Variants in LYPLAL1 observed in about 807,000 individuals in gnomAD.
LYPLAL1 encodes lysophospholipase like 1, also known as lysophospholipase-like protein 1.
Under a neutral mutation model 19.7 loss-of-function variants are expected in LYPLAL1, and 23 were observed. The observed-to-expected ratio is 1.17, with a 90% confidence interval of 0.84 to 1.65. The LOEUF (loss-of-function observed/expected upper bound fraction) is 1.65. Ranked by LOEUF, LYPLAL1 falls within the 40% of genes most tolerant of loss-of-function variation. The pLI is 0.00. For synonymous variants in LYPLAL1, 119 were observed against 96.3 expected (o/e 1.24, Z -1.38); for missense variants, 355 against 279.4 (o/e 1.27, Z -1.93).
chr1:219,240,736 A>G, the LYPLAL1 span, among the ~76,000 whole-genome samples: 1 of 152,306 alleles, frequency 6.6e-6, no homozygotes, highest in Middle Eastern at 3.4e-3. Flanking sequence ...CGGACAGTAC[A>G]CTATAGTTGA....
At chr1:219,271,562 A>T in the LYPLAL1 span, 1 of 152,218 alleles carries the variant, frequency 6.6e-6, no homozygotes, top group African/African-American at 2.4e-5. Context: ...AGAAATATGA[A>T]TTTGATTAGC....
chr1:219,411,396 T>C, the LYPLAL1 span, among the ~76,000 whole-genome samples: 2 of 152,144 alleles, frequency 1.3e-5, no homozygotes, highest in Non-Finnish European at 2.9e-5. Flanking sequence ...ATCTAGCTGC[T>C]CTGGTGGGGC....
chr1:219,293,239 T>G, the LYPLAL1 span, among the ~76,000 whole-genome samples: 2 of 151,962 alleles, frequency 1.3e-5, no homozygotes, highest in African/African-American at 2.4e-5. Flanking sequence ...ATTTCTGGTC[T>G]CCGCAAACCA....
At chr1:219,174,253 C>G (rs144338941) in intron 1 of LYPLAL1, 11 of 1,362,024 alleles carry the variant, frequency 8.1e-6, no homozygotes, top group Middle Eastern at 2.8e-4. Flanking sequence ...TCCATCCCCA[C>G]AACACACCTC....
chr1:219,268,109 A>G, the LYPLAL1 span, among the ~76,000 whole-genome samples: 1 of 152,232 alleles, frequency 6.6e-6, no homozygotes, highest in Non-Finnish European at 1.5e-5. Context: ...CAAAACACAA[A>G]AATTCCTGCC....
the LYPLAL1 span, among the ~76,000 whole-genome samples, chr1:219,357,279 G>A: frequency 1.3e-5 from 2 of 152,100 alleles, no homozygotes; most frequent in East Asian, 3.9e-4. Flanking sequence ...AAGTTCTTTG[G>A]CTTAAGACAA....
the LYPLAL1 span, among the ~76,000 whole-genome samples, chr1:219,425,309 C>T: frequency 1.3e-5 from 2 of 152,116 alleles, no homozygotes; most frequent in African/African-American, 4.8e-5. Flanking sequence ...CATAAACACT[C>T]GGACCATAGC....
the LYPLAL1 span, among the ~76,000 whole-genome samples, chr1:219,294,182 A>G: frequency 6.6e-5 from 10 of 152,322 alleles, no homozygotes; most frequent in African/African-American, 2.2e-4. Context: ...TATCCTGAAG[A>G]TGCTCCTGAG....
chr1:219,397,761 C>T, the LYPLAL1 span, among the ~76,000 whole-genome samples: 1 of 152,164 alleles, frequency 6.6e-6, no homozygotes, highest in Non-Finnish European at 1.5e-5. Context: ...GTAACAAATT[C>T]CCTCAGCATT....
chr1:219,240,976 A>G, the LYPLAL1 span, among the ~76,000 whole-genome samples: 1 of 151,352 alleles, frequency 6.6e-6, no homozygotes, highest in Non-Finnish European at 1.5e-5. Context: ...CAGGAAGATC[A>G]CTTGAGCCCA....
the LYPLAL1 span, among the ~76,000 whole-genome samples, chr1:219,317,414 C>T: frequency 6.6e-6 from 1 of 151,884 alleles, no homozygotes; most frequent in Non-Finnish European, 1.5e-5. Flanking sequence ...GATTTTTTTT[C>T]TCTTTCTCTT....
the LYPLAL1 span, among the ~76,000 whole-genome samples, chr1:219,291,134 A>G: frequency 6.6e-6 from 1 of 152,220 alleles, no homozygotes; most frequent in Non-Finnish European, 1.5e-5. Context: ...CAAGTATCAA[A>G]TAACTCTAAT....
chr1:219,438,560 A>AGT, the LYPLAL1 span, among the ~76,000 whole-genome samples: 2 of 152,230 alleles, frequency 1.3e-5, no homozygotes, highest in Non-Finnish European at 2.9e-5. Context: ...TTAGTCACAT[A>AGT]GTGTTGCCAG....
At chr1:219,338,246 A>G in the LYPLAL1 span, among the ~76,000 whole-genome samples, 1 of 152,028 alleles carries the variant, frequency 6.6e-6, no homozygotes, top group South Asian at 2.1e-4. Flanking sequence ...TTAGGCAAGA[A>G]AATATCTAGA....
the LYPLAL1 span, among the ~76,000 whole-genome samples, chr1:219,287,276 CAG>C: frequency 1.3e-5 from 2 of 152,160 alleles, no homozygotes; most frequent in African/African-American, 4.8e-5. Flanking sequence ...ATGTATTTAA[CAG>C]AGAGATAACC....
At chr1:219,378,071 G>C in the LYPLAL1 span, among the ~76,000 whole-genome samples, 1 of 152,148 alleles carries the variant, frequency 6.6e-6, no homozygotes, top group Non-Finnish European at 1.5e-5. Flanking sequence ...CTGACCTCTG[G>C]TGTAGACCAA....
chr1:219,257,631 T>A, the LYPLAL1 span, among the ~76,000 whole-genome samples: 2 of 151,942 alleles, frequency 1.3e-5, no homozygotes, highest in Non-Finnish European at 2.9e-5. Flanking sequence ...GTAACAAAGA[T>A]CACATGCTTC....
chr1:219,306,227 T>C, the LYPLAL1 span, among the ~76,000 whole-genome samples: 3 of 152,202 alleles, frequency 2.0e-5, no homozygotes, highest in South Asian at 4.1e-4. Flanking sequence ...CATTCTCTGG[T>C]TTCCTAATGC....
the LYPLAL1 span, among the ~76,000 whole-genome samples, chr1:219,256,275 C>G: frequency 0.22 from 34,011 of 151,644 alleles, 4,111 homozygotes; most frequent in African/African-American, 0.29. Context: ...GAATTAGTGC[C>G]AGGAATGTGT....
Sources: allele counts gnomAD v4.1 joint callset (sites outside exome capture counted in the v4.1 genomes callset), GRCh38; gene constraint gnomAD v4.1.1; transcripts MANE v1.5; gene names NCBI Gene and HGNC (gene_info 2026-07-23, HGNC 2026-07-21).